USH2A: variants seen among roughly 807,000 people sequenced by gnomAD.
The protein encoded by USH2A is usherin.
In USH2A, 443 loss-of-function variants were observed where a neutral mutation model predicts 538.9. That is an observed-to-expected ratio of 0.82 (90% CI 0.76 to 0.89). The LOEUF (loss-of-function observed/expected upper bound fraction) is 0.89, where lower values mean the gene tolerates loss of function less well. USH2A is among the 40% of genes least tolerant of loss of function. The pLI is 0.00. For synonymous variants in USH2A, 2,413 were observed against 2,273.5 expected (o/e 1.06, Z -1.75); for missense variants, 6,633 against 6,324.8 (o/e 1.05, Z -1.65).
chr1:215,884,810 T>TAC (rs1665005303), intron 41 of USH2A, among the ~76,000 whole-genome samples: 1 of 152,178 alleles, frequency 6.6e-6, no homozygotes, highest in Non-Finnish European at 1.5e-5. Context: ...GGAAGGAAGC[T>TAC]ACACATGTTT....
chr1:216,233,631 A>AC (rs1558333759), intron 13 of USH2A, among the ~76,000 whole-genome samples: 3 of 152,184 alleles, frequency 2.0e-5, no homozygotes, highest in Non-Finnish European at 4.4e-5. Context: ...GTACACACAC[A>AC]AAAAAAGCCT....
At chr1:216,140,628 T>C (rs1239904143) in intron 21 of USH2A, among the ~76,000 whole-genome samples, 1 of 152,206 alleles carries the variant, frequency 6.6e-6, no homozygotes, top group Non-Finnish European at 1.5e-5. Context: ...ACATAAAACC[T>C]TGCTAAGGCC....
At chr1:215,801,360 A>G (rs996916608) in intron 49 of USH2A, among the ~76,000 whole-genome samples, 2 of 151,520 alleles carry the variant, frequency 1.3e-5, no homozygotes. Flanking sequence ...GTTCTCAGAC[A>G]ACATGATATC....
chr1:216,258,622 C>T (rs2036303193), intron 11 of USH2A, among the ~76,000 whole-genome samples: 1 of 152,014 alleles, frequency 6.6e-6, no homozygotes, highest in South Asian at 2.1e-4. Context: ...CTCCCTAAGT[C>T]GTGGTCTAGA....
At chr1:216,257,354 G>A (rs1040388367) in intron 11 of USH2A, among the ~76,000 whole-genome samples, 24 of 151,660 alleles carry the variant, frequency 1.6e-4, no homozygotes, top group Non-Finnish European at 2.9e-4. Flanking sequence ...TTGCCCCACT[G>A]TCTTCTTCTT....
In USH2A at chr1:215,978,805, A is replaced by C. The variant is rs148164502; in HGVS notation, c.6806-8029T>G. On this transcript the variant is annotated intron_variant, in intron 35 of 71. Transcript: ENST00000307340. ...AGTGGGGACTTCAATAAGTCATATG[A>C]TGAAGCTAAGTCTCCCATGAAAGGT... Among the ~76,000 whole-genome samples the C allele has an allele frequency of 1.1e-4, 16 of 152,306 alleles. No individual in the cohort carries two copies. The East Asian group carries it at 2.9e-3, about 28-fold the overall frequency.
intron 61 of USH2A, among the ~76,000 whole-genome samples, chr1:215,716,594 T>C (rs1659495308): frequency 6.6e-6 from 1 of 152,224 alleles, no homozygotes; most frequent in Admixed American, 6.5e-5. Flanking sequence ...AAAAGTAACA[T>C]GTACATCCGT....
intron 4 of USH2A, among the ~76,000 whole-genome samples, chr1:216,341,553 A>G (rs1313160490): frequency 1.3e-5 from 2 of 152,172 alleles, no homozygotes; most frequent in Admixed American, 6.5e-5. Flanking sequence ...TCCTAAGCAA[A>G]AAGAACGTAG....
In USH2A at chr1:215,988,083, T is replaced by G. The variant is rs114669431; in HGVS notation, c.6805+4937A>C. Among the ~76,000 whole-genome samples, 1,440 of 152,284 alleles carry G rather than the reference T, an allele frequency of 9.5e-3. 21 individuals are homozygous for G. Among genetic ancestry groups the G allele is most frequent in the African/African-American group, 0.033 (1,355 of 41,540 alleles). On this transcript the variant is annotated intron_variant, in intron 35 of 71. Coordinates refer to ENST00000307340, the MANE Select transcript of USH2A (RefSeq NM_206933.4). ...TTGGGCATCTTAACCATTTTAAGTG[T>G]ACCATTGTGTTATCTACATACACGT... is the stretch of plus-strand genomic sequence containing the variant.
chr1:215,742,283 A>G (rs73088868), intron 59 of USH2A, among the ~76,000 whole-genome samples: 506 of 152,304 alleles, frequency 3.3e-3, no homozygotes, highest in African/African-American at 0.011. Context: ...AGGACATTCA[A>G]TACAGGAGTT....
At chr1:215,689,528 T>C (rs1658533975) in intron 61 of USH2A, among the ~76,000 whole-genome samples, 1 of 152,234 alleles carries the variant, frequency 6.6e-6, no homozygotes, top group African/African-American at 2.4e-5. Context: ...TATGCCTTGT[T>C]GCTAACTAAT....
At chr1:215,800,793 A>G (rs1571699344) in intron 49 of USH2A, among the ~76,000 whole-genome samples, 1 of 152,176 alleles carries the variant, frequency 6.6e-6, no homozygotes, top group East Asian at 1.9e-4. Flanking sequence ...AAATGAGCAA[A>G]TTACTAGAAA....
At chr1:215,668,364 C>T (rs1348288101) in intron 64 of USH2A, among the ~76,000 whole-genome samples, 1 of 152,172 alleles carries the variant, frequency 6.6e-6, no homozygotes, top group African/African-American at 2.4e-5. Flanking sequence ...CTAATATTTT[C>T]TGATCATTTA....
chr1:215,688,450 C>A (rs115416034), intron 61 of USH2A, among the ~76,000 whole-genome samples: 1,563 of 152,196 alleles, frequency 0.01, 28 homozygotes, highest in African/African-American at 0.035. Flanking sequence ...TTGAAGAACT[C>A]ATTCTGGCTG....
intron 13 of USH2A, among the ~76,000 whole-genome samples, chr1:216,238,148 A>G (rs1197412361): frequency 6.6e-6 from 1 of 152,222 alleles, no homozygotes; most frequent in Admixed American, 6.5e-5. Context: ...TATGAATTGT[A>G]AAAGAAAACC....
intron 64 of USH2A, among the ~76,000 whole-genome samples, chr1:215,662,435 A>G (rs1657469467): frequency 6.6e-6 from 1 of 152,240 alleles, no homozygotes; most frequent in African/African-American, 2.4e-5. Flanking sequence ...CAAAGGCGCC[A>G]TGAAGATTGC....
intron 38 of USH2A, among the ~76,000 whole-genome samples, chr1:215,904,691 C>T (rs1441662555): frequency 6.6e-6 from 1 of 152,008 alleles, no homozygotes; most frequent in Non-Finnish European, 1.5e-5. Context: ...CCTCACGGGG[C>T]AAACACTCCA....
At chr1:215,699,491 T>C (rs1658935177) in intron 61 of USH2A, among the ~76,000 whole-genome samples, 1 of 152,208 alleles carries the variant, frequency 6.6e-6, no homozygotes, top group Admixed American at 6.5e-5. Context: ...TCTCTTAACT[T>C]CCTTGTGCAG....
chr1:215,943,430 T>C (rs1027481766), intron 37 of USH2A, among the ~76,000 whole-genome samples: 1 of 152,090 alleles, frequency 6.6e-6, no homozygotes, highest in South Asian at 2.1e-4. Context: ...TCATAATTAA[T>C]GCATAAGTAA....
Sources: gnomAD v4.1 joint callset for allele counts (sites outside exome capture counted in the v4.1 genomes callset) on GRCh38, gnomAD v4.1.1 for gene constraint, MANE v1.5 for transcripts, NCBI Gene and HGNC (gene_info 2026-07-23, HGNC 2026-07-21) for gene names.